Variants in ARIH2 observed in about 807,000 individuals in gnomAD.
ARIH2 encodes ariadne RBR E3 ubiquitin protein ligase 2, also known as E3 ubiquitin-protein ligase ARIH2.
A neutral mutation model predicts 79.8 loss-of-function variants in ARIH2; 12 were observed. The ratio of observed to expected loss-of-function variants is 0.15; its 90% CI spans 0.10 to 0.24. The LOEUF is 0.24. Among genes scored for constraint, ARIH2 ranks in the 10% least tolerant of loss-of-function variants. ARIH2 has a pLI of 1.00. For missense variants in ARIH2, 301 were observed against 618.3 expected, an observed-to-expected ratio of 0.49 and a Z score of 5.44; for synonymous variants, 224 against 213.9, an observed-to-expected ratio of 1.05 and a Z score of -0.41.
chr3:48,968,560 C>G lies in ARIH2; in HGVS notation c.565C>G (p.Pro189Ala). 2 of 1,610,988 alleles carry G rather than the reference C, an allele frequency of 1.2e-6. No homozygotes were observed. Among genetic ancestry groups the G allele is most frequent in the Admixed American group, 1.7e-5 (1 of 59,916 alleles). ...AGTCTCTTGCATGGCTCAGGACTGT[C>G]CACTCCGTACACCAGAGGACTTTGT... is the stretch of plus-strand genomic sequence containing the variant. ...VGVSCMAQDC[P>A]LRTPEDFVFP... Residue 189 changes from proline to alanine, a missense_variant, in exon 7 of 16, where the codon CCA becomes GCA. Physicochemically the swap from Pro to Ala is conservative, Grantham distance 27. Around this residue, in one of 2 missense-constraint regions of ARIH2, gnomAD observed 223 missense variants for 349.4 expected, o/e 0.64. Coordinates refer to ENST00000356401, the MANE Select transcript of ARIH2 (RefSeq NM_006321.4).
At chr3:48,944,956 T>A in intron 3 of ARIH2, 3 of 430,356 alleles carry the variant, frequency 7.0e-6, no homozygotes, top group Non-Finnish European at 1.3e-5. Flanking sequence ...CACAGTTCAC[T>A]ACCTTTCTTC....
At chr3:48,940,794 CA>C (rs761364123) in intron 3 of ARIH2, among the ~76,000 whole-genome samples, 5 of 68,432 alleles carry the variant, frequency 7.3e-5, no homozygotes, top group South Asian at 6.3e-4. Context: ...GACTCCGTCT[CA>C]AAAAAAAAAA....
At position 48,941,087 on chromosome 3, in the gene ARIH2, G is replaced by A. The variant is rs1183758130; in HGVS notation, c.255+13274G>A. 2.6e-5 allele frequency among the ~76,000 whole-genome samples: 4 copies of A among 151,352 alleles called. No individual in the cohort carries two copies. In the South Asian group the frequency reaches 8.3e-4, roughly 32 times the overall value. On this transcript the variant is annotated intron_variant, in intron 3 of 15. Transcript: ENST00000356401. ...CTCGGGAGGCTGAAGCAGGAGAATGGCGTGAACCCAGGAGGCAGAGCTTGC... is the reference window on the plus strand; with the variant it reads ...CTCGGGAGGCTGAAGCAGGAGAATGACGTGAACCCAGGAGGCAGAGCTTGC...
rs111301345 is a variant in ARIH2 at position 48,945,684 on chromosome 3, G to A, written c.256-15928G>A. The stretch of plus-strand genomic sequence containing the variant: ...CAATGACTAATTTAAACTTCTGATA[G>A]AAGACTTGCTTGAATGCGGTGGAGG... On this transcript the variant is annotated intron_variant, in intron 3 of 15. Coordinates refer to ENST00000356401, the MANE Select transcript of ARIH2 (RefSeq NM_006321.4). 7.8e-3 allele frequency among the ~76,000 whole-genome samples: 1,187 copies of A among 152,260 alleles called. 10 individuals are homozygous for A. The highest frequency in any genetic ancestry group is 0.027 in the African/African-American group (1,130 of 41,542).
intron 3 of ARIH2, among the ~76,000 whole-genome samples, chr3:48,933,285 T>A (rs1331123525): frequency 9.7e-6 from 1 of 103,492 alleles, no homozygotes; most frequent in Non-Finnish European, 2.0e-5. Context: ...TGTGTGTGTG[T>A]GTGATCACAG....
At chr3:48,922,178 G>A (rs2084912894) in intron 1 of ARIH2, among the ~76,000 whole-genome samples, 1 of 151,946 alleles carries the variant, frequency 6.6e-6, no homozygotes, top group Non-Finnish European at 1.5e-5. Context: ...GAGCTGAGAT[G>A]GCAACACTGC....
chr3:48,959,666 A>G (rs1447905173), intron 3 of ARIH2, among the ~76,000 whole-genome samples: 71 of 151,018 alleles, frequency 4.7e-4, no homozygotes, highest in African/African-American at 1.6e-3. Context: ...AAAAAAAAAA[A>G]AAAAAAAAAG....
At chr3:48,960,980 C>A (rs1371680025) in intron 3 of ARIH2, among the ~76,000 whole-genome samples, 2 of 152,102 alleles carry the variant, frequency 1.3e-5, no homozygotes, top group Non-Finnish European at 2.9e-5. Flanking sequence ...GAGCTCAATG[C>A]ACCTTCTGAG....
At chr3:48,933,514 G>A (rs1055944426) in intron 3 of ARIH2, among the ~76,000 whole-genome samples, 4 of 148,336 alleles carry the variant, frequency 2.7e-5, no homozygotes, top group Non-Finnish European at 6.0e-5. Context: ...TTCAGCACAT[G>A]TGTGGCATAG....
intron 15 of ARIH2, 34 bp from the exon 16 acceptor site, chr3:48,983,165 C>A (rs759140612): frequency 1.9e-6 from 3 of 1,611,544 alleles, no homozygotes; most frequent in Non-Finnish European, 2.5e-6. Context: ...CAGGCCTGGG[C>A]CATGCAAGCA....
chr3:48,920,860 C>T (rs1351545986), intron 1 of ARIH2, among the ~76,000 whole-genome samples: 2 of 59,720 alleles, frequency 3.3e-5, no homozygotes, highest in Non-Finnish European at 6.5e-5. Context: ...GCCGAGATCG[C>T]GCCACTGCAC....
intron 3 of ARIH2, among the ~76,000 whole-genome samples, chr3:48,933,536 GCTCA>G (rs2086680138): frequency 6.8e-6 from 1 of 147,096 alleles, no homozygotes; most frequent in Admixed American, 6.9e-5. Context: ...GAAGTATATT[GCTCA>G]CTTTTTTTTT....
chr3:48,918,921 C>A lies in ARIH2; in HGVS notation c.-239C>A. On this transcript the variant is annotated 5_prime_UTR_variant, in exon 1 of 16. Transcript: ENST00000356401. Reference sequence around the variant, plus strand: ...GCCCGCCGCCTCCGCTGCCGCTTCGCCCCAATCCGGTCCCTCTGGCCCGGC... The same window carrying A: ...GCCCGCCGCCTCCGCTGCCGCTTCGACCCAATCCGGTCCCTCTGGCCCGGC... The A allele has an allele frequency of 1.3e-6, 2 of 1,597,250 alleles. No homozygotes were observed. The highest frequency in any genetic ancestry group is 1.3e-5 in the African/African-American group (1 of 74,866).
intron 3 of ARIH2, among the ~76,000 whole-genome samples, chr3:48,938,266 G>A (rs968559083): frequency 3.3e-5 from 5 of 152,086 alleles, no homozygotes; most frequent in African/African-American, 1.2e-4. Context: ...CTTCAAGATG[G>A]TTGGCTGCAC....
At chr3:48,982,645 C>T (rs1388345187) in intron 14 of ARIH2, 2 of 434,814 alleles carry the variant, frequency 4.6e-6, no homozygotes, top group Non-Finnish European at 8.2e-6. Flanking sequence ...AATTCTTTGC[C>T]TGCCTTTGGG....
chr3:48,967,599 G>A (rs1275584239), intron 6 of ARIH2, among the ~76,000 whole-genome samples: 2 of 152,206 alleles, frequency 1.3e-5, no homozygotes, highest in Non-Finnish European at 2.9e-5. Flanking sequence ...GCCCACAAGA[G>A]TTTGCTGCTA....
chr3:48,932,906 A>G (rs2086563102), intron 3 of ARIH2, among the ~76,000 whole-genome samples: 1 of 152,106 alleles, frequency 6.6e-6, no homozygotes, highest in South Asian at 2.1e-4. Context: ...TGCAGGTTAT[A>G]GAAGTCCTGG....
intron 3 of ARIH2, among the ~76,000 whole-genome samples, chr3:48,946,119 C>T (rs2089100053): frequency 1.3e-5 from 2 of 152,070 alleles, no homozygotes; most frequent in African/African-American, 4.8e-5. Flanking sequence ...TCAGTAACAG[C>T]GACTAAAGCA....
intron 3 of ARIH2, among the ~76,000 whole-genome samples, chr3:48,936,620 C>T (rs546116494): frequency 6.6e-6 from 1 of 152,182 alleles, no homozygotes; most frequent in Non-Finnish European, 1.5e-5. Flanking sequence ...GTAGTTCCAG[C>T]TACTTGGGAG....
Sources: gnomAD v4.1 joint callset for allele counts (sites outside exome capture counted in the v4.1 genomes callset) on GRCh38, gnomAD v4.1.1 for gene constraint, gnomAD v4.1.1 regional missense constraint, MANE v1.5 for transcripts, NCBI Gene and HGNC (gene_info 2026-07-23, HGNC 2026-07-21) for gene names.